Variants in ANKRD45 observed in about 807,000 individuals in gnomAD.
The protein encoded by ANKRD45 is ankyrin repeat domain 45, also known as ankyrin repeat domain-containing protein 45.
Under a neutral mutation model 28.1 loss-of-function variants are expected in ANKRD45, and 21 were observed. That is an observed-to-expected ratio of 0.75 (90% confidence interval 0.53 to 1.08). The LOEUF (loss-of-function observed/expected upper bound fraction) is 1.08, where lower values mean the gene tolerates loss of function less well. Ranked by LOEUF, ANKRD45 falls within the 50% of genes least tolerant of loss-of-function variation. The pLI is 0.00. For missense variants in ANKRD45, 261 were observed against 308.7 expected, an observed-to-expected ratio of 0.85 and a Z score of 1.16; for synonymous variants, 86 against 103.9, an observed-to-expected ratio of 0.83 and a Z score of 1.05.
At chr1:173,702,713 T>C in the ANKRD45 span, among the ~76,000 whole-genome samples, 1 of 147,146 alleles carries the variant, frequency 6.8e-6, no homozygotes, top group Non-Finnish European at 1.5e-5. Context: ...TCATTCTGTG[T>C]CCTCTTTTTT....
At chr1:173,632,214 T>C (rs1201444787) in intron 3 of ANKRD45, among the ~76,000 whole-genome samples, 1 of 151,922 alleles carries the variant, frequency 6.6e-6, no homozygotes, top group African/African-American at 2.4e-5. Context: ...TGAGCAAATA[T>C]ATGTCAATAA....
rs183740167 is a variant in ANKRD45 at position 173,621,126 on chromosome 1, A to C, written c.730+3661T>G. 7.2e-5 allele frequency among the ~76,000 whole-genome samples: 11 copies of C among 152,350 alleles called. No individual in the cohort carries two copies. The East Asian group carries it at 2.1e-3, about 29-fold the overall frequency. ...CCAGGAAGAAATTGAATCCCTGAAT[A>C]GACCAATAATGAGTTCTGAAATTGA... On this transcript the variant is annotated intron_variant, in intron 5 of 5. Transcript: ENST00000333279.
At chr1:173,670,511 C>T (rs1243579643), upstream of ANKRD45, among the ~76,000 whole-genome samples, 2 of 152,122 alleles carry the variant, frequency 1.3e-5, no homozygotes, top group East Asian at 3.8e-4. Flanking sequence ...CTGTTTCTAC[C>T]AAGAGTCCAC....
the ANKRD45 span, among the ~76,000 whole-genome samples, chr1:173,676,699 A>G: frequency 6.6e-6 from 1 of 152,072 alleles, no homozygotes; most frequent in Non-Finnish European, 1.5e-5. Flanking sequence ...TAAAGATACA[A>G]TTGACAAGGA....
intron 1 of ANKRD45, among the ~76,000 whole-genome samples, chr1:173,664,574 C>T (rs976133): frequency 2.0e-5 from 3 of 152,164 alleles, no homozygotes; most frequent in Non-Finnish European, 4.4e-5. Flanking sequence ...CACTTTCTTC[C>T]TAAGCCTTTC....
chr1:173,665,158 T>TA (rs985266091), intron 1 of ANKRD45, among the ~76,000 whole-genome samples: 6 of 152,172 alleles, frequency 3.9e-5, no homozygotes, highest in African/African-American at 2.4e-5. Flanking sequence ...TTTTCTTTTT[T>TA]AAAAAAATAA....
intron 3 of ANKRD45, among the ~76,000 whole-genome samples, chr1:173,636,627 A>G (rs1317221047): frequency 6.6e-6 from 1 of 152,236 alleles, no homozygotes; most frequent in African/African-American, 2.4e-5. Context: ...TGTGGCATAT[A>G]GATAACATTT....
At chr1:173,647,746 A>G (rs986459430) in intron 2 of ANKRD45, among the ~76,000 whole-genome samples, 3 of 152,294 alleles carry the variant, frequency 2.0e-5, no homozygotes, top group Middle Eastern at 3.4e-3. Context: ...GGTGTGATAA[A>G]GGGACAACCA....
intron 3 of ANKRD45, 109 bp downstream of exon 3, chr1:173,646,737 G>A: frequency 1.8e-6 from 2 of 1,099,728 alleles, no homozygotes; most frequent in Non-Finnish European, 2.6e-6. Context: ...TGTGACTGTG[G>A]TTGTATCTAC....
At chr1:173,690,486 C>A in the ANKRD45 span, among the ~76,000 whole-genome samples, 1 of 152,114 alleles carries the variant, frequency 6.6e-6, no homozygotes, top group Admixed American at 6.5e-5. Context: ...AAAAGGAGGG[C>A]AGGTCCTTGC....
At chr1:173,647,197 T>G (rs1355538894) in intron 2 of ANKRD45, among the ~76,000 whole-genome samples, 184 bp from the exon 3 acceptor site, 1 of 152,206 alleles carries the variant, frequency 6.6e-6, no homozygotes, top group East Asian at 1.9e-4. Flanking sequence ...TCAGAACTAC[T>G]ACAGTTCTCA....
intron 3 of ANKRD45, among the ~76,000 whole-genome samples, chr1:173,643,945 C>T (rs1217474872): frequency 6.6e-6 from 1 of 152,176 alleles, no homozygotes; most frequent in African/African-American, 2.4e-5. Context: ...CTCCGTTCCT[C>T]CTTAGCACAA....
intron 2 of ANKRD45, chr1:173,657,472 A>G (rs76642997): frequency 6.4e-6 from 1 of 157,064 alleles, no homozygotes; most frequent in Middle Eastern, 5.4e-4. Context: ...TGTCTCAAGA[A>G]AAAAAAAAAA....
chr1:173,701,902 G>A, the ANKRD45 span, among the ~76,000 whole-genome samples: 1,556 of 151,568 alleles, frequency 0.01, 16 homozygotes, highest in South Asian at 0.027. Flanking sequence ...TTTATGATTC[G>A]AAGCTCACAA....
At chr1:173,688,738 CCT>C in the ANKRD45 span, among the ~76,000 whole-genome samples, 1 of 128,278 alleles carries the variant, frequency 7.8e-6, no homozygotes, top group South Asian at 2.2e-4. Context: ...CTGCCTCTTT[CCT>C]CTCTCTCTTT....
At chr1:173,646,748 A>G in intron 3 of ANKRD45, 98 bp downstream of exon 3, 7 of 1,283,368 alleles carry the variant, frequency 5.5e-6, no homozygotes, top group Non-Finnish European at 7.6e-6. Context: ...TTGTATCTAC[A>G]AACAAAACAC....
At chr1:173,629,761 TAA>T (rs1374849065) in intron 3 of ANKRD45, among the ~76,000 whole-genome samples, 2 of 151,948 alleles carry the variant, frequency 1.3e-5, no homozygotes, top group South Asian at 4.2e-4. Flanking sequence ...TAATATTAAT[TAA>T]AAAAAGAACT....
At chr1:173,632,558 A>G (rs1668241923) in intron 3 of ANKRD45, among the ~76,000 whole-genome samples, 1 of 151,794 alleles carries the variant, frequency 6.6e-6, no homozygotes, top group African/African-American at 2.4e-5. Context: ...CAAAACCCCA[A>G]AACTACAAGC....
intron 5 of ANKRD45, among the ~76,000 whole-genome samples, chr1:173,617,281 C>T (rs770361415): frequency 6.6e-6 from 1 of 152,150 alleles, no homozygotes; most frequent in Non-Finnish European, 1.5e-5. Context: ...ATTTTGTGGG[C>T]CCCACTTCCA....
Sources: allele counts gnomAD v4.1 joint callset (sites outside exome capture counted in the v4.1 genomes callset), GRCh38; gene constraint gnomAD v4.1.1; transcripts MANE v1.5; gene names NCBI Gene and HGNC (gene_info 2026-07-23, HGNC 2026-07-21).